SHISA9: variants seen among roughly 807,000 people sequenced by gnomAD.
SHISA9 encodes the protein shisa family member 9, also known as protein shisa-9.
A neutral mutation model predicts 38.0 loss-of-function variants in SHISA9; 13 were observed. The observed-to-expected ratio is 0.34, with a 90% CI of 0.22 to 0.54. SHISA9 has a LOEUF of 0.54. Ranked by LOEUF, SHISA9 falls within the 20% of genes least tolerant of loss-of-function variation. The pLI, the probability that SHISA9 is intolerant of heterozygous loss-of-function variation, is 0.91. For missense variants in SHISA9, 538 were observed against 575.8 expected, an observed-to-expected ratio of 0.93 and a Z score of 0.67; for synonymous variants, 275 against 242.0, an observed-to-expected ratio of 1.14 and a Z score of -1.27.
intron 2 of SHISA9, among the ~76,000 whole-genome samples, chr16:12,980,924 C>T (rs1384074282): frequency 6.6e-6 from 1 of 151,596 alleles, no homozygotes. Context: ...TTTTCTTATT[C>T]CTACTTTATG....
chr16:13,190,629 C>T (rs968704384), intron 2 of SHISA9, among the ~76,000 whole-genome samples: 1 of 152,198 alleles, frequency 6.6e-6, no homozygotes, highest in African/African-American at 2.4e-5. Context: ...CTGGTTGCAA[C>T]TAGTTCTTCA....
At chr16:13,457,828 G>C in the SHISA9 span, among the ~76,000 whole-genome samples, 1 of 151,992 alleles carries the variant, frequency 6.6e-6, no homozygotes, top group Non-Finnish European at 1.5e-5. Flanking sequence ...AAAATTAAAT[G>C]AATAATCACA....
chr16:13,562,554 C>T, the SHISA9 span, among the ~76,000 whole-genome samples: 2 of 147,758 alleles, frequency 1.4e-5, no homozygotes, highest in Non-Finnish European at 3.0e-5. Flanking sequence ...CTCTTGAACC[C>T]GGGAGGCTGA....
At chr16:13,439,831 A>C in the SHISA9 span, among the ~76,000 whole-genome samples, 1 of 152,294 alleles carries the variant, frequency 6.6e-6, no homozygotes, top group East Asian at 1.9e-4. Flanking sequence ...CCACAGAGCC[A>C]TAGAGGGAAA....
the SHISA9 span, among the ~76,000 whole-genome samples, chr16:13,265,118 T>G: frequency 3.1e-5 from 3 of 96,176 alleles, no homozygotes; most frequent in Non-Finnish European, 6.3e-5. Flanking sequence ...TCCCCTCCCT[T>G]CCTGTTCCCC....
chr16:13,045,575 C>G (rs1024205251), intron 2 of SHISA9, among the ~76,000 whole-genome samples: 1 of 146,422 alleles, frequency 6.8e-6, no homozygotes, highest in African/African-American at 2.6e-5. Flanking sequence ...AAATCTCCCA[C>G]AGAGCTTTGG....
the SHISA9 span, among the ~76,000 whole-genome samples, chr16:13,281,127 A>G: frequency 6.6e-6 from 1 of 151,866 alleles, no homozygotes; most frequent in Non-Finnish European, 1.5e-5. Context: ...TATGAGCCAG[A>G]GATGAAGATG....
intron 1 of SHISA9, 52 bp from the exon 2 acceptor site, chr16:12,916,636 C>T: frequency 1.3e-6 from 2 of 1,531,186 alleles, no homozygotes; most frequent in Non-Finnish European, 1.8e-6. Flanking sequence ...CGCATAGCAG[C>T]TGCCAGTCAT....
chr16:13,402,392 G>A, the SHISA9 span, among the ~76,000 whole-genome samples: 2 of 152,168 alleles, frequency 1.3e-5, no homozygotes, highest in Non-Finnish European at 2.9e-5. Context: ...TGATGCACAA[G>A]GGTAGGACAA....
the SHISA9 span, among the ~76,000 whole-genome samples, chr16:13,315,706 T>C: frequency 2.6e-5 from 4 of 152,234 alleles, no homozygotes; most frequent in Admixed American, 6.5e-5. Flanking sequence ...GTAAATTGCA[T>C]GGAGGAGTGC....
chr16:12,961,268 G>T (rs185543774), intron 2 of SHISA9, among the ~76,000 whole-genome samples: 1 of 152,132 alleles, frequency 6.6e-6, no homozygotes, highest in Non-Finnish European at 1.5e-5. Flanking sequence ...CCAGAATGGT[G>T]GGAGCAGAGG....
chr16:12,928,021 A>G (rs1235827063), intron 2 of SHISA9, among the ~76,000 whole-genome samples: 1 of 152,236 alleles, frequency 6.6e-6, no homozygotes, highest in Non-Finnish European at 1.5e-5. Context: ...AAACTACTTA[A>G]AAACAATTGC....
At chr16:13,182,348 G>T (rs1429239979) in intron 2 of SHISA9, among the ~76,000 whole-genome samples, 2 of 152,130 alleles carry the variant, frequency 1.3e-5, no homozygotes, top group African/African-American at 4.8e-5. Flanking sequence ...CCATCCTCTG[G>T]GTTTAGGAAT....
At chr16:13,030,668 T>C (rs2072980015) in intron 2 of SHISA9, among the ~76,000 whole-genome samples, 1 of 152,230 alleles carries the variant, frequency 6.6e-6, no homozygotes. Flanking sequence ...CATTGTATAG[T>C]GTCACAGTGT....
At chr16:13,146,625 G>C (rs1464808244) in intron 2 of SHISA9, among the ~76,000 whole-genome samples, 1 of 152,130 alleles carries the variant, frequency 6.6e-6, no homozygotes, top group African/African-American at 2.4e-5. Context: ...TGAGCCCTTG[G>C]AATGAGGCAA....
the SHISA9 span, among the ~76,000 whole-genome samples, chr16:13,398,775 A>G: frequency 0.24 from 36,605 of 151,906 alleles, 5,396 homozygotes; most frequent in African/African-American, 0.41. Context: ...GCCTCCCAAA[A>G]TGCTAGGATT....
At chr16:13,386,396 G>A in the SHISA9 span, among the ~76,000 whole-genome samples, 1 of 152,134 alleles carries the variant, frequency 6.6e-6, no homozygotes, top group African/African-American at 2.4e-5. Flanking sequence ...GCTGGGAGAA[G>A]AAATGGCCCT....
At chr16:13,299,541 C>T in the SHISA9 span, among the ~76,000 whole-genome samples, 1 of 151,936 alleles carries the variant, frequency 6.6e-6, no homozygotes, top group Non-Finnish European at 1.5e-5. Flanking sequence ...TGGTGAAACG[C>T]TCTCTGTACT....
the SHISA9 span, among the ~76,000 whole-genome samples, chr16:13,441,949 T>C: frequency 6.6e-6 from 1 of 152,220 alleles, no homozygotes; most frequent in Non-Finnish European, 1.5e-5. Context: ...TTCCAAAAAA[T>C]GCAGTTACCT....
Sources: gnomAD v4.1 joint callset for allele counts (sites outside exome capture counted in the v4.1 genomes callset) on GRCh38, gnomAD v4.1.1 for gene constraint, MANE v1.5 for transcripts, NCBI Gene and HGNC (gene_info 2026-07-23, HGNC 2026-07-21) for gene names.